Variants in UTRN observed in about 807,000 individuals in gnomAD.
The protein encoded by UTRN is utrophin, also known as dystrophin-related protein 1.
A neutral mutation model predicts 463.9 loss-of-function variants in UTRN; 283 were observed. That is an observed-to-expected ratio of 0.61 (90% CI 0.55 to 0.67). The LOEUF is 0.67. Ranked by LOEUF, UTRN falls within the 30% of genes least tolerant of loss-of-function variation. UTRN has a pLI of 0.00. For missense variants in UTRN, 3,922 were observed against 4,084.3 expected (o/e 0.96, Z 1.08); for synonymous variants, 1,442 against 1,431.5 (o/e 1.01, Z -0.17).
chr6:144,482,388 G>A lies in UTRN; in HGVS notation c.3687G>A (p.Glu1229=), dbSNP rs1012486280. The change falls in exon 27 of 75, where the codon GAG becomes GAA. Residue 1229 remains glutamate, a splice_region_variant and synonymous_variant. Transcript: ENST00000367545. Reference sequence around the variant, plus strand: ...TTCGAGGAAAGTGCCACACGCTAGAGGTATGCTATTATTATTATTGTTGTT... The same window carrying A: ...TTCGAGGAAAGTGCCACACGCTAGAAGTATGCTATTATTATTATTGTTGTT... ...NRIRGKCHTL[E]EVWSCWIELL... is the part of the protein sequence containing the mutation. 4.0e-6 allele frequency: 6 copies of A among 1,491,792 alleles called. No individual in the cohort carries two copies. Among genetic ancestry groups the A allele is most frequent in the Non-Finnish European group, 4.4e-6 (5 of 1,127,320 alleles). 92.4% of individuals were successfully genotyped at this position (1,491,792 alleles called of 1,614,324 possible).
chr6:144,388,214 T>C (rs1270036036), intron 2 of UTRN, among the ~76,000 whole-genome samples: 2 of 152,238 alleles, frequency 1.3e-5, no homozygotes, highest in Admixed American at 1.3e-4. Context: ...GCACTGTGTA[T>C]ATTCTTTAAT....
chr6:144,564,828 G>T (rs1356857722), intron 50 of UTRN, among the ~76,000 whole-genome samples: 2 of 152,198 alleles, frequency 1.3e-5, no homozygotes, highest in African/African-American at 4.8e-5. Flanking sequence ...TTCAAGGTGA[G>T]ATTTGGGTGT....
intron 52 of UTRN, among the ~76,000 whole-genome samples, chr6:144,697,479 G>T (rs1784140332): frequency 6.6e-6 from 1 of 152,128 alleles, no homozygotes; most frequent in Admixed American, 6.5e-5. Flanking sequence ...CTTTCAAGAT[G>T]AAAGAATTAA....
intron 51 of UTRN, among the ~76,000 whole-genome samples, chr6:144,638,606 A>G (rs1207002459): frequency 6.6e-6 from 1 of 152,194 alleles, no homozygotes. Flanking sequence ...TTTCTTAGCA[A>G]AAAGTTAGGT....
In UTRN at chr6:144,429,745, C is replaced by T. The variant is rs1217563841; in HGVS notation, c.855+4C>T. 1 of 1,605,478 alleles carries T rather than the reference C, an allele frequency of 6.2e-7. No individual in the cohort carries two copies. The highest frequency in any genetic ancestry group is 1.1e-5 in the South Asian group (1 of 88,906). ...AGAAGAGGCAATTAATATACAGGTA[C>T]AGGTAACATTTTATTAAGATGTTTG... is the stretch of plus-strand genomic sequence containing the variant. On this transcript the variant is annotated splice_donor_region_variant and intron_variant, in intron 9 of 74. Coordinates refer to ENST00000367545, the MANE Select transcript of UTRN (RefSeq NM_007124.3).
intron 58 of UTRN, among the ~76,000 whole-genome samples, chr6:144,768,916 G>T (rs1793652151): frequency 7.5e-6 from 1 of 132,792 alleles, no homozygotes; most frequent in Non-Finnish European, 1.6e-5. Flanking sequence ...ATATGATTTT[G>T]TACTTAACTG....
chr6:144,291,690 T>C, intron 1 of UTRN, 47 bp from the exon 2 acceptor site: 1 of 586,118 alleles, frequency 1.7e-6, no homozygotes, highest in Non-Finnish European at 2.8e-6. Flanking sequence ...CTATATAAAA[T>C]ATATAAATAC....
rs1795467938 is a variant in UTRN, at chr6:144,514,749, C to T, written c.5173C>T (p.Leu1725Phe). Residue 1725 changes from leucine (L) to phenylalanine (F), a missense_variant, in exon 37 of 75, where the codon CTT becomes TTT. Around this residue, in one of 3 missense-constraint regions of UTRN, gnomAD observed 2,349 missense variants for 2,303.8 expected, o/e 1.02. Transcript: ENST00000367545. Reference sequence around the variant, plus strand: ...TGCCCGTGGAAGCTCAAGCAGGGAGCTTGTAGAACCAAAGTTAGCTGAGCT... The same window carrying T: ...TGCCCGTGGAAGCTCAAGCAGGGAGTTTGTAGAACCAAAGTTAGCTGAGCT... Reference protein sequence around the residue: ...MNARGSSSRELVEPKLAELNR... With the variant: ...MNARGSSSREFVEPKLAELNR... The T allele has an allele frequency of 4.3e-6, 7 of 1,614,016 alleles. No individual in the cohort carries two copies. Among genetic ancestry groups the T allele is most frequent in the Middle Eastern group, 1.6e-4 (1 of 6,084 alleles).
chr6:144,389,608 TC>T (rs35048869), intron 2 of UTRN, among the ~76,000 whole-genome samples: 3,146 of 151,174 alleles, frequency 0.021, 98 homozygotes, highest in East Asian at 0.13. Context: ...CTTTTTTTTT[TC>T]CCCCCCTGAG....
At chr6:144,423,447 C>A (rs1785028121) in intron 4 of UTRN, 102 bp from the exon 5 acceptor site, 3 of 1,174,626 alleles carry the variant, frequency 2.6e-6, no homozygotes, top group Admixed American at 1.8e-5. Flanking sequence ...TCTGAGGGGC[C>A]CTGTACGCTG....
intron 52 of UTRN, 102 bp from the exon 53 acceptor site, chr6:144,699,985 T>G: frequency 1.7e-6 from 2 of 1,150,476 alleles, no homozygotes; most frequent in South Asian, 5.4e-5. Context: ...TAAACATTAC[T>G]TGGTCAGATA....
At chr6:144,337,195 C>A (rs917540645) in intron 2 of UTRN, among the ~76,000 whole-genome samples, 2 of 77,974 alleles carry the variant, frequency 2.6e-5, no homozygotes, top group Non-Finnish European at 4.6e-5. Flanking sequence ...ACACACACAC[C>A]ACACACACAC....
intron 23 of UTRN, among the ~76,000 whole-genome samples, chr6:144,466,659 T>A (rs987479035): frequency 3.9e-5 from 6 of 152,250 alleles, no homozygotes; most frequent in Non-Finnish European, 7.3e-5. Flanking sequence ...TTCATGTGAA[T>A]CATGGGGATA....
chr6:144,754,463 G>A (rs1057329545), intron 56 of UTRN, among the ~76,000 whole-genome samples: 1 of 149,968 alleles, frequency 6.7e-6, no homozygotes, highest in Non-Finnish European at 1.5e-5. Context: ...AGACTAAAGC[G>A]TTAATTTCTA....
In UTRN at chr6:144,618,454, A is replaced by G. The variant is rs78641775; in HGVS notation, c.7479+41166A>G. ...GCTTGACATTTGAATTTAATCTTCC[A>G]TGTATTAACTAGGCATGTACAAAAC... On this transcript the variant is annotated intron_variant, in intron 51 of 74. Coordinates refer to ENST00000367545, the MANE Select transcript of UTRN (RefSeq NM_007124.3). Among the ~76,000 whole-genome samples, 618 of 152,240 alleles carry G rather than the reference A, an allele frequency of 4.1e-3. 4 individuals are homozygous for G. The highest frequency in any genetic ancestry group is 0.014 in the African/African-American group (579 of 41,558).
chr6:144,512,031 C>T (rs1795220418), intron 35 of UTRN, among the ~76,000 whole-genome samples: 1 of 152,016 alleles, frequency 6.6e-6, no homozygotes, highest in African/African-American at 2.4e-5. Context: ...CAGTGAAGAG[C>T]ATGGGCTTTG....
chr6:144,616,191 A>G (rs1806072238), intron 51 of UTRN, among the ~76,000 whole-genome samples: 1 of 152,206 alleles, frequency 6.6e-6, no homozygotes, highest in Non-Finnish European at 1.5e-5. Context: ...GTGGGCCTTA[A>G]CAGCATACAG....
At chr6:144,517,830 A>G (rs1314243349) in intron 39 of UTRN, among the ~76,000 whole-genome samples, 2 of 152,190 alleles carry the variant, frequency 1.3e-5, no homozygotes, top group Non-Finnish European at 2.9e-5. Flanking sequence ...AGGGCACTCT[A>G]TGATGTTTGT....
intron 34 of UTRN, among the ~76,000 whole-genome samples, chr6:144,507,424 T>A (rs1215203337): frequency 1.3e-5 from 2 of 152,188 alleles, no homozygotes; most frequent in Non-Finnish European, 2.9e-5. Context: ...TGATCTTTGA[T>A]GTTGGTGACC....
Sources: allele counts gnomAD v4.1 joint callset (sites outside exome capture counted in the v4.1 genomes callset), GRCh38; gene constraint gnomAD v4.1.1; regional missense constraint gnomAD v4.1.1; transcripts MANE v1.5; gene names NCBI Gene and HGNC (gene_info 2026-07-23, HGNC 2026-07-21).